Variants in TEX15 observed in about 807,000 individuals in gnomAD.
TEX15 encodes testis expressed 15, meiosis and synapsis associated, also known as testis-expressed protein 15.
In TEX15, 171 loss-of-function variants were observed where a neutral mutation model predicts 237.3. The observed-to-expected ratio is 0.72, with a 90% CI of 0.64 to 0.82. TEX15 has a LOEUF of 0.82. TEX15 is among the 40% of genes least tolerant of loss of function. The pLI, the probability that TEX15 is intolerant of heterozygous loss-of-function variation, is 0.00. For missense variants in TEX15, 3,750 were observed against 3,646.5 expected, an observed-to-expected ratio of 1.03 and a Z score of -0.73; for synonymous variants, 1,338 against 1,269.8, an observed-to-expected ratio of 1.05 and a Z score of -1.14.
rs323344 is a variant in TEX15, at chr8:30,845,009, A to C, written c.5158T>G (p.Leu1720Val). Residue 1720 changes from leucine to valine, a missense_variant, in exon 8 of 11, where the codon TTA (leucine) becomes GTA (valine). Transcript: ENST00000643185. ...CTATCTGTCACTGCAGCGGCTGATAACTGAGGAATACTGTACTTTTTACTT... is the reference window on the plus strand; with the variant it reads ...CTATCTGTCACTGCAGCGGCTGATACCTGAGGAATACTGTACTTTTTACTT... ...IASKKYSIPQ[L>V]SAAAVTDSEG... 0.16 allele frequency: 252,499 copies of C among 1,613,264 alleles called. 35,219 individuals carry two copies. Among genetic ancestry groups the C allele is most frequent in the African/African-American group, 0.76 (56,586 of 74,918 alleles).
At chr8:30,879,811 C>A (rs778939568) in intron 3 of TEX15, among the ~76,000 whole-genome samples, 1 of 151,964 alleles carries the variant, frequency 6.6e-6, no homozygotes, top group Non-Finnish European at 1.5e-5. Context: ...AACATCTTAG[C>A]GGGATTTTGA....
At chr8:30,855,412 C>T (rs552662520) in intron 7 of TEX15, among the ~76,000 whole-genome samples, 1 of 152,072 alleles carries the variant, frequency 6.6e-6, no homozygotes, top group African/African-American at 2.4e-5. Context: ...TACTTCACAC[C>T]CACTAGGATG....
intron 1 of TEX15, among the ~76,000 whole-genome samples, chr8:30,901,695 T>C (rs1025739879): frequency 3.3e-5 from 5 of 152,222 alleles, no homozygotes; most frequent in Non-Finnish European, 5.9e-5. Flanking sequence ...AAGTAATCAG[T>C]GTGGTAAGAG....
At position 30,837,354 on chromosome 8, in the gene TEX15, G is replaced by A. The variant is rs1381761936; in HGVS notation, c.8930C>T (p.Thr2977Ile). The A allele has an allele frequency of 1.9e-5, 31 of 1,614,030 alleles. No homozygotes were observed. The highest frequency in any genetic ancestry group is 2.6e-5 in the Non-Finnish European group (31 of 1,180,010). The stretch of plus-strand genomic sequence containing the variant: ...GGTTATATGCCCAGATGCTCCAAAA[G>A]TATGCACAGTATTGGGATTCAATGT... ...KDTLNPNTVH[T>I]FGASGHITLN... is the part of the protein sequence containing the mutation. The change falls in exon 10 of 11, where the codon ACT becomes ATT. Residue 2977 changes from threonine to isoleucine, a missense_variant. Thr to Ile is a moderately conservative substitution (Grantham distance 89, BLOSUM62 -1). Coordinates refer to ENST00000643185, the MANE Select transcript of TEX15 (RefSeq NM_001350162.2).
chr8:30,847,473 A>G lies in TEX15; in HGVS notation c.2694T>C (p.Asn898=), dbSNP rs942721269. 19 of 1,612,532 alleles carry G rather than the reference A, an allele frequency of 1.2e-5. No homozygotes were observed. The highest frequency in any genetic ancestry group is 1.6e-5 in the Non-Finnish European group (19 of 1,179,710). ...AATTTTTGTCCTCCTTTTCATCTAT[A>G]TTGCTGAAATTTTCGTTTGTATGAG... ...QDSHTNENFS[N]IDEKEDKNYH... The change falls in exon 8 of 11, where the codon AAT becomes AAC. Residue 898 remains asparagine (N), a synonymous_variant. Transcript: ENST00000643185.
rs1347291964 is a variant in TEX15, at chr8:30,881,618, TTTTTTTTATTA to T, written c.136+5538_136+5548del. ...TTATCCTTCCATCTTGACTTTTTATTTTTTTTTATTATTTTTTTTTTTTGAGACAGTCTTGC... is the reference window on the plus strand; with the variant it reads ...TTATCCTTCCATCTTGACTTTTTATTTTTTTTTTTTTTGAGACAGTCTTGC... On this transcript the variant is annotated intron_variant, in intron 3 of 10. Coordinates refer to ENST00000643185, the MANE Select transcript of TEX15 (RefSeq NM_001350162.2). Among the ~76,000 whole-genome samples the T allele has an allele frequency of 1.4e-4, 17 of 124,592 alleles. 5 individuals carry two copies. The highest frequency in any genetic ancestry group is 6.6e-4 in the African/African-American group (14 of 21,334). The allele number at this position is 124,592 out of a possible 152,430, so 81.7% of individuals were successfully genotyped here. A position where few individuals can be genotyped will look rare whatever the true frequency, so the allele number is the denominator to read the frequency against.
chr8:30,859,872 CAT>C (rs1224064827), intron 6 of TEX15, 37 bp downstream of exon 6: 7 of 1,341,574 alleles, frequency 5.2e-6, no homozygotes, highest in East Asian at 2.9e-5. Flanking sequence ...CAATGTGAAA[CAT>C]GTACTTTTCA....
intron 10 of TEX15, among the ~76,000 whole-genome samples, chr8:30,833,930 C>CTATCTTTTTTAA (rs1456088524): frequency 2.0e-5 from 3 of 152,062 alleles, no homozygotes; most frequent in Non-Finnish European, 4.4e-5. Context: ...GATTCCAGAG[C>CTATCTTTTTTAA]TATCTTTTTT....
At chr8:30,881,610 C>CTTTTTTTTTTTTTTTTTTTTTTTTTTTTT (rs1164594718) in intron 3 of TEX15, among the ~76,000 whole-genome samples, 2 of 109,464 alleles carry the variant, frequency 1.8e-5, no homozygotes. Flanking sequence ...TCCATCTTGA[C>CTTTTTTTTTTTTTTTTTTTTTTTTTTTTT]TTTTTATTTT....
At chr8:30,850,998 T>G (rs1563246956) in intron 7 of TEX15, among the ~76,000 whole-genome samples, 2 of 152,186 alleles carry the variant, frequency 1.3e-5, no homozygotes, top group Non-Finnish European at 2.9e-5. Flanking sequence ...TATACAAATG[T>G]AAGCACTTTT....
At chr8:30,836,208 T>TTTG (rs1807289873) in intron 10 of TEX15, among the ~76,000 whole-genome samples, 2 of 118,554 alleles carry the variant, frequency 1.7e-5, no homozygotes, top group South Asian at 6.2e-4. Context: ...CTGTATCGTT[T>TTTG]TTTTTTTTTT....
At chr8:30,906,094 C>A (rs1220103146) in intron 1 of TEX15, among the ~76,000 whole-genome samples, 1 of 152,180 alleles carries the variant, frequency 6.6e-6, no homozygotes, top group East Asian at 1.9e-4. Flanking sequence ...TACTACAACA[C>A]ACAGAACAGT....
intron 8 of TEX15, among the ~76,000 whole-genome samples, chr8:30,841,527 A>C (rs1331632056): frequency 6.6e-6 from 1 of 152,212 alleles, no homozygotes; most frequent in Non-Finnish European, 1.5e-5. Context: ...TTAATATAGG[A>C]CTTTTAACTC....
intron 1 of TEX15, among the ~76,000 whole-genome samples, chr8:30,912,374 A>G (rs1182604296): frequency 4.8e-5 from 7 of 146,694 alleles, no homozygotes; most frequent in African/African-American, 1.5e-4. Context: ...CCCACGCACC[A>G]CGAAGATCCC....
intron 8 of TEX15, among the ~76,000 whole-genome samples, chr8:30,841,159 GT>G (rs1563230494): frequency 6.6e-6 from 1 of 152,112 alleles, no homozygotes; most frequent in Non-Finnish European, 1.5e-5. Flanking sequence ...GACTCAAGCA[GT>G]CTGCCCACCT....
chr8:30,847,374 T>G lies in TEX15; in HGVS notation c.2793A>C (p.Ala931=), dbSNP rs1807644507. Residue 931 remains alanine, a synonymous_variant, in exon 8 of 11, where the codon GCA becomes GCC. Coordinates refer to ENST00000643185, the MANE Select transcript of TEX15 (RefSeq NM_001350162.2). ...CTAATAATGCAGTTGCTGCTGACACTGCATTATCTTCTCTGCAAATCAAGT... is the reference window on the plus strand; with the variant it reads ...CTAATAATGCAGTTGCTGCTGACACGGCATTATCTTCTCTGCAAATCAAGT... ...KFNLICREDN[A]VSAATALLES... is the part of the protein sequence containing the mutation. The G allele has an allele frequency of 6.2e-7, 1 of 1,613,578 alleles. No individual in the cohort carries two copies. The highest frequency in any genetic ancestry group is 1.3e-5 in the African/African-American group (1 of 74,932).
chr8:30,901,936 T>C (rs1418434194), intron 1 of TEX15, among the ~76,000 whole-genome samples: 1 of 152,194 alleles, frequency 6.6e-6, no homozygotes, highest in African/African-American at 2.4e-5. Context: ...ACCTAACAAG[T>C]ACATCATGAA....
At chr8:30,838,102 A>G in intron 9 of TEX15, 41 bp from the exon 10 acceptor site, 1 of 1,480,802 alleles carries the variant, frequency 6.8e-7, no homozygotes. Flanking sequence ...ATTTAAATAT[A>G]TAGGGTCATA....
In TEX15 at chr8:30,843,047, C is replaced by G. The variant is rs780773199; in HGVS notation, c.7120G>C (p.Glu2374Gln). Residue 2374 changes from glutamate to glutamine, a missense_variant, in exon 8 of 11, where the codon GAG becomes CAG. Transcript: ENST00000643185. Reference sequence around the variant, plus strand: ...GCAAATTCAGCCTGATCCAATATCTCACTAATACAACAAATATCTGGGTGT... The same window carrying G: ...GCAAATTCAGCCTGATCCAATATCTGACTAATACAACAAATATCTGGGTGT... The part of the protein sequence containing the change: ...LAHPDICCIS[E>Q]ILDQAEFADL... 6.2e-7 allele frequency: 1 copy of G among 1,613,548 alleles called. No individual in the cohort carries two copies. Among genetic ancestry groups the G allele is most frequent in the African/African-American group, 1.3e-5 (1 of 75,002 alleles).
Sources: allele counts gnomAD v4.1 joint callset (sites outside exome capture counted in the v4.1 genomes callset), GRCh38; gene constraint gnomAD v4.1.1; transcripts MANE v1.5; gene names NCBI Gene and HGNC (gene_info 2026-07-23, HGNC 2026-07-21).